The following DVL1 variants were observed in gnomAD, a reference collection of about 807,000 sequenced individuals.
The protein encoded by DVL1 is dishevelled segment polarity protein 1, also known as segment polarity protein dishevelled homolog DVL-1.
A neutral mutation model predicts 65.0 loss-of-function variants in DVL1; 49 were observed. That is an observed-to-expected ratio of 0.75 (90% CI 0.60 to 0.96). The LOEUF is 0.96. Among genes scored for constraint, DVL1 ranks in the 40% least tolerant of loss-of-function variants. The probability of loss-of-function intolerance (pLI) is 0.00; values close to 1 mark genes in which losing one functional copy is unlikely to be tolerated. For synonymous variants in DVL1, 608 were observed against 433.9 expected, an observed-to-expected ratio of 1.40 and a Z score of -4.99; for missense variants, 1,197 against 1,045.4, an observed-to-expected ratio of 1.15 and a Z score of -2.00.
chr1:1,341,142 C>T (rs1436842685), intron 5 of DVL1, among the ~76,000 whole-genome samples: 2 of 149,668 alleles, frequency 1.3e-5, no homozygotes, highest in Non-Finnish European at 3.0e-5. Context: ...CACCTGCACG[C>T]ACACCTTCAC....
rs1186975026 is a variant in DVL1 at position 1,339,321 on chromosome 1, G to A, written c.1173C>T (p.Ser391=). Residue 391 remains serine (S), a synonymous_variant, in exon 11 of 15, where the codon TCC becomes TCT. Coordinates refer to ENST00000378888, the MANE Select transcript of DVL1 (RefSeq NM_001330311.2). ...PCSSAVTRTS[S]SSLTSSVPGA... is the part of the protein sequence containing the mutation. ...CAGGCACGGAGCTGGTTAGTGAGGA[G>A]GAGCTGGTGCGCGTGACGGCGCTGG... is the stretch of plus-strand genomic sequence containing the variant. 3.2e-6 allele frequency: 5 copies of A among 1,548,516 alleles called. No homozygotes were observed. The highest frequency in any genetic ancestry group is 2.3e-4 in the Middle Eastern group (1 of 4,418).
At chr1:1,342,903 C>G in intron 1 of DVL1, 145 bp from the exon 2 acceptor site, 2 of 735,328 alleles carry the variant, frequency 2.7e-6, no homozygotes, top group Admixed American at 5.7e-5. Context: ...TCTTGGGAAC[C>G]GTCCTTCCTC....
intron 1 of DVL1, 115 bp downstream of exon 1, chr1:1,348,781 G>T: frequency 1.1e-6 from 1 of 925,256 alleles, no homozygotes; most frequent in Non-Finnish European, 1.4e-6. Context: ...GAGGCGCGTC[G>T]CGGTCGCAGG....
At chr1:1,336,961 G>A (rs1445062216) in intron 14 of DVL1, 2 of 980,048 alleles carry the variant, frequency 2.0e-6, no homozygotes, top group East Asian at 2.2e-4. Flanking sequence ...AGTGGGAGCT[G>A]GAGGGCGTGG....
At chr1:1,348,867 G>C (rs1557676179) in intron 1 of DVL1, 29 bp downstream of exon 1, 5 of 1,500,672 alleles carry the variant, frequency 3.3e-6, no homozygotes, top group Non-Finnish European at 4.5e-6. Flanking sequence ...GCCCGCGCCA[G>C]GCTCGCGCAG....
rs531738165 is a variant in DVL1 at position 1,342,776 on chromosome 1, C to T, written c.171-18G>A. 133 of 1,612,070 alleles carry T rather than the reference C, an allele frequency of 8.3e-5. 3 individuals carry two copies. The Middle Eastern group carries it at 8.3e-4, about 10-fold the overall frequency. ...TCACCACCCTGTGGGCATATGCTGC[C>T]GTGAGGCCCCACCTGGGGGGCCCAA... On this transcript the variant is annotated intron_variant, in intron 1 of 14. Transcript: ENST00000378888.
chr1:1,336,024 G>T lies in DVL1; in HGVS notation c.*118C>A. The stretch of plus-strand genomic sequence containing the variant: ...TGCCAGGGCAGATGGTGGTGGTCCA[G>T]CCTGCCCCCCACCCTGCCTCCCGTC... On this transcript the variant is annotated 3_prime_UTR_variant, in exon 15 of 15. Transcript: ENST00000378888. The T allele has an allele frequency of 7.3e-7, 1 of 1,371,338 alleles. No homozygotes were observed. Among genetic ancestry groups the T allele is most frequent in the Non-Finnish European group, 9.8e-7 (1 of 1,019,012 alleles). The allele number at this position is 1,371,338 out of a possible 1,614,324, so 84.9% of individuals were successfully genotyped here. A position where few individuals can be genotyped will look rare whatever the true frequency, so the allele number is the denominator to read the frequency against.
rs1389886570 is a variant in DVL1 at position 1,338,304 on chromosome 1, T to G, written c.1472A>C (p.Glu491Ala). 1 of 1,583,580 alleles carries G rather than the reference T, an allele frequency of 6.3e-7. No homozygotes were observed. The highest frequency in any genetic ancestry group is 1.7e-5 in the Admixed American group (1 of 57,640). ...RHTVNKITFS[E>A]QCYYVFGDLC... is the part of the protein sequence containing the mutation. Reference sequence around the variant, plus strand: ...ATCCCCGAAGACGTAGTAGCACTGCTCGGAGAAGGTGATCTTGTTGACCGT... The same window carrying G: ...ATCCCCGAAGACGTAGTAGCACTGCGCGGAGAAGGTGATCTTGTTGACCGT... The change falls in exon 13 of 15, where the codon GAG becomes GCG. Residue 491 changes from glutamate (E) to alanine (A), a missense_variant. By Grantham distance (107) the Glu-to-Ala change is moderately radical. Transcript: ENST00000378888.
intron 2 of DVL1, 37 bp from the exon 3 acceptor site, chr1:1,342,521 C>T (rs200279889): frequency 7.5e-6 from 12 of 1,599,038 alleles, no homozygotes; most frequent in Admixed American, 6.8e-5. Flanking sequence ...GGAGCCCACC[C>T]GCCTTCAGGA....
chr1:1,339,632 A>C lies in DVL1; in HGVS notation c.1004T>G (p.Val335Gly), dbSNP rs375512194. 6.2e-7 allele frequency: 1 copy of C among 1,609,206 alleles called. No individual in the cohort carries two copies. The highest frequency in any genetic ancestry group is 8.5e-7 in the Non-Finnish European group (1 of 1,177,124). ...VSQTGPISLT[V>G]AKCWDPTPRS... ...GGGCGTTGGGTCCCAGCACTTGGCC[A>C]CAGTGAGGCTGATGGGCCTGCAGGA... is the stretch of plus-strand genomic sequence containing the variant. Residue 335 changes from valine to glycine, a missense_variant, in exon 10 of 15, where the codon GTG becomes GGG. Val to Gly is a moderately radical substitution (Grantham distance 109). Coordinates refer to ENST00000378888, the MANE Select transcript of DVL1 (RefSeq NM_001330311.2).
chr1:1,338,477 C>T (rs1053500069), intron 12 of DVL1, 41 bp from the exon 13 acceptor site: 1 of 1,608,680 alleles, frequency 6.2e-7, no homozygotes, highest in East Asian at 2.2e-5. Flanking sequence ...TCGAGGCAAG[C>T]AGCCCTGCCC....
chr1:1,338,245 C>A (rs781424239), intron 13 of DVL1, 24 bp downstream of exon 13: 1 of 1,588,834 alleles, frequency 6.3e-7, no homozygotes, highest in Admixed American at 1.7e-5. Flanking sequence ...CCCCCCCGCC[C>A]TGAAGCCCGA....
intron 1 of DVL1, among the ~76,000 whole-genome samples, chr1:1,343,010 C>T (rs375680100): frequency 4.2e-4 from 64 of 152,126 alleles, no homozygotes; most frequent in African/African-American, 1.5e-3. Context: ...CGTCCTTCCT[C>T]TCCGTCACAT....
At chr1:1,337,565 T>C (rs1326809089) in intron 14 of DVL1, among the ~76,000 whole-genome samples, 1 of 152,140 alleles carries the variant, frequency 6.6e-6, no homozygotes, top group Admixed American at 6.5e-5. Flanking sequence ...CATGGCCACA[T>C]GGTCTCAGGG....
chr1:1,345,492 G>A (rs565624170), intron 1 of DVL1, among the ~76,000 whole-genome samples: 4 of 152,284 alleles, frequency 2.6e-5, no homozygotes, highest in East Asian at 1.9e-4. Flanking sequence ...CCCACAACCC[G>A]GGGTCCCCGC....
chr1:1,345,416 C>A (rs879834501), intron 1 of DVL1, among the ~76,000 whole-genome samples: 1 of 152,170 alleles, frequency 6.6e-6, no homozygotes, highest in Admixed American at 6.5e-5. Context: ...CCAGGCAGAG[C>A]CCTGCCGTCC....
rs775705276 is a variant in DVL1, at chr1:1,336,456, G to A, written c.1774C>T (p.Arg592Cys). ...CTGCCCCCAGCTCCCGCCGCCCGAC[G>A]CTCCTTCTCACGGCCCGGGGCCCGG... ...SRRAPGREKE[R>C]RAAGAGGSGS... The change falls in exon 15 of 15, where the codon CGT becomes TGT. Residue 592 changes from arginine (R) to cysteine (C), a missense_variant. Coordinates refer to ENST00000378888, the MANE Select transcript of DVL1 (RefSeq NM_001330311.2). 8 of 1,569,256 alleles carry A rather than the reference G, an allele frequency of 5.1e-6. No individual in the cohort carries two copies. Among genetic ancestry groups the A allele is most frequent in the African/African-American group, 4.1e-5 (3 of 73,066 alleles).
At chr1:1,341,826 G>T in intron 4 of DVL1, 21 bp from the exon 5 acceptor site, 2 of 1,560,232 alleles carry the variant, frequency 1.3e-6, no homozygotes, top group African/African-American at 1.3e-5. Flanking sequence ...AGCAGGTTGG[G>T]AACTGACTGC....
chr1:1,341,426 G>A lies in DVL1; in HGVS notation c.605+241C>T, dbSNP rs565681914. On this transcript the variant is annotated intron_variant, in intron 5 of 14. Coordinates refer to ENST00000378888, the MANE Select transcript of DVL1 (RefSeq NM_001330311.2). ...ATGCACAAGCAGACACGTGCATCAT[G>A]TACACGTTTGCACGCGGGCACACAC... 1.5e-3 allele frequency among the ~76,000 whole-genome samples: 226 copies of A among 152,218 alleles called. 2 individuals are homozygous for A. The highest frequency in any genetic ancestry group is 5.3e-3 in the African/African-American group (222 of 41,516).
Sources: gnomAD v4.1 joint callset for allele counts (sites outside exome capture counted in the v4.1 genomes callset) on GRCh38, gnomAD v4.1.1 for gene constraint, MANE v1.5 for transcripts, NCBI Gene and HGNC (gene_info 2026-07-23, HGNC 2026-07-21) for gene names.